GGT1: variants seen among roughly 807,000 people sequenced by gnomAD.
GGT1 encodes the protein gamma-glutamyltransferase 1, also known as glutathione hydrolase 1 proenzyme.
In GGT1, 21 loss-of-function variants were observed where a neutral mutation model predicts 56.0. The ratio of observed to expected loss-of-function variants is 0.38; its 90% confidence interval spans 0.27 to 0.54. GGT1 has a LOEUF of 0.54. GGT1 is among the 20% of genes least tolerant of loss of function. GGT1 has a pLI of 0.82. For synonymous variants in GGT1, 238 were observed against 342.6 expected (o/e 0.69, Z 3.37); for missense variants, 466 against 787.0 (o/e 0.59, Z 4.88).
chr22:24,621,101 G>C (rs1302970064), intron 9 of GGT1, 31 bp downstream of exon 9: 1 of 1,553,210 alleles, frequency 6.4e-7, no homozygotes, highest in Non-Finnish European at 8.7e-7. Context: ...GCCTGGGTGA[G>C]GAACTCTGCA....
At chr22:24,623,976 G>T (rs1299686578) in intron 11 of GGT1, 60 bp downstream of exon 11, 23 of 1,603,840 alleles carry the variant, frequency 1.4e-5, no homozygotes, top group Non-Finnish European at 1.8e-5. Context: ...CATCAGGTGG[G>T]CTCCCCAGGG....
the GGT1 span, chr22:24,589,418 C>G: frequency 9.8e-7 from 1 of 1,021,930 alleles, no homozygotes; most frequent in Non-Finnish European, 1.2e-6. Flanking sequence ...GGGCTCTAGC[C>G]GAGAGCGGCT....
At chr22:24,593,148 C>T, upstream of GGT1, 4 of 992,764 alleles carry the variant, frequency 4.0e-6, no homozygotes, top group Non-Finnish European at 4.8e-6. Context: ...CCTGCCCCGT[C>T]CGGGTCCGAA....
At chr22:24,596,260 C>T (rs1025595203) in intron 1 of GGT1, among the ~76,000 whole-genome samples, 1 of 152,210 alleles carries the variant, frequency 6.6e-6, no homozygotes, top group African/African-American at 2.4e-5. Context: ...CTTAAAGCAA[C>T]AGAATAGTTC....
intron 1 of GGT1, among the ~76,000 whole-genome samples, chr22:24,597,456 C>G (rs181909442): frequency 6.6e-6 from 1 of 152,290 alleles, no homozygotes; most frequent in Admixed American, 6.5e-5. Flanking sequence ...GGGCGGATCA[C>G]TTGAGGCTAG....
intron 5 of GGT1, among the ~76,000 whole-genome samples, 155 bp downstream of exon 5, chr22:24,611,400 G>T (rs2046645812): frequency 1.3e-5 from 2 of 152,082 alleles, no homozygotes; most frequent in Non-Finnish European, 2.9e-5. Context: ...TCCGAGAGCA[G>T]GGTGTGGGTC....
chr22:24,623,799 G>C lies in GGT1; in HGVS notation c.903G>C (p.Glu301Asp). 6.2e-7 allele frequency: 1 copy of C among 1,611,908 alleles called. No homozygotes were observed. The highest frequency in any genetic ancestry group is 8.5e-7 in the Non-Finnish European group (1 of 1,179,848). The change falls in exon 11 of 16, where the codon GAG becomes GAC. Residue 301 changes from glutamate (E) to aspartate (D), a missense_variant. Physicochemically the swap from Glu to Asp is conservative, Grantham distance 45. Transcript: ENST00000400382. The stretch of plus-strand genomic sequence containing the variant: ...AACCAGGGTACAACTTCTCCCGGGA[G>C]AGCGTGGAGAGCCCCGAGCAGAAGG... ...NILKGYNFSR[E>D]SVESPEQKGL...
intron 1 of GGT1, among the ~76,000 whole-genome samples, chr22:24,596,386 C>T (rs1045388795): frequency 6.6e-6 from 1 of 152,190 alleles, no homozygotes; most frequent in Non-Finnish European, 1.5e-5. Context: ...AATCCTTGGC[C>T]TTCCTTGGCT....
upstream of GGT1, among the ~76,000 whole-genome samples, chr22:24,599,984 A>G (rs972285380): frequency 8.5e-4 from 129 of 152,314 alleles, no homozygotes; most frequent in African/African-American, 3.1e-3. Flanking sequence ...AGGCTGTGGC[A>G]TGGTGTCGGG....
the GGT1 span, among the ~76,000 whole-genome samples, chr22:24,586,573 C>G: frequency 6.6e-6 from 1 of 152,248 alleles, no homozygotes; most frequent in Non-Finnish European, 1.5e-5. Context: ...CTCTTTTTGT[C>G]CAGGCTGGAG....
chr22:24,589,377 C>G, the GGT1 span: 1 of 1,125,100 alleles, frequency 8.9e-7, no homozygotes, highest in Middle Eastern at 3.8e-4. Context: ...GCAAGGGTGT[C>G]TGTACAGGAT....
the GGT1 span, chr22:24,586,130 G>A: frequency 1.1e-4 from 182 of 1,613,166 alleles, no homozygotes; most frequent in Non-Finnish European, 1.3e-4. Context: ...GAACTTGGTG[G>A]TGTCCTTGAT....
intron 1 of GGT1, 116 bp downstream of exon 1, chr22:24,603,643 G>C (rs113032500): frequency 6.6e-6 from 1 of 152,292 alleles, no homozygotes; most frequent in Non-Finnish European, 1.5e-5. Flanking sequence ...AGGAGGGCTG[G>C]GGGGAGTCAC....
At position 24,603,238 on chromosome 22, in the gene GGT1, C is replaced by T. The variant is rs2045815909; in HGVS notation, c.-718C>T. 1.3e-5 allele frequency: 2 copies of T among 152,328 alleles called. No individual in the cohort carries two copies. Among genetic ancestry groups the T allele is most frequent in the Admixed American group, 1.3e-4 (2 of 15,278 alleles). 9.4% of individuals were successfully genotyped at this position (152,328 alleles called of 1,614,324 possible). On this transcript the variant is annotated 5_prime_UTR_variant, in exon 1 of 16. Transcript: ENST00000400382. ...GACCAGACCGGGCGTCGGGTGAGCC[C>T]AGAAGTGAGAGCAGTTGGCTGTGCC...
At chr22:24,612,938 G>A (rs1162651013) in intron 5 of GGT1, among the ~76,000 whole-genome samples, 3 of 152,042 alleles carry the variant, frequency 2.0e-5, no homozygotes, top group African/African-American at 4.8e-5. Flanking sequence ...TGATCTTCCC[G>A]CCTCAGCTTC....
chr22:24,588,203 G>GCTAC, the GGT1 span: 1 of 1,602,222 alleles, frequency 6.2e-7, no homozygotes, highest in East Asian at 2.2e-5. Context: ...CAGTGGCTGG[G>GCTAC]CTACCCTTAC....
chr22:24,586,518 C>A, the GGT1 span: 13 of 1,201,282 alleles, frequency 1.1e-5, no homozygotes, highest in South Asian at 1.9e-4. Flanking sequence ...TCTGGCAAAG[C>A]CAGATTCAAA....
intron 7 of GGT1, among the ~76,000 whole-genome samples, chr22:24,617,818 G>A (rs930206168): frequency 2.6e-5 from 4 of 152,006 alleles, no homozygotes; most frequent in Non-Finnish European, 4.4e-5. Flanking sequence ...CATAAATGGA[G>A]GCTGAAGCTC....
At chr22:24,613,322 C>T (rs1483361826) in intron 5 of GGT1, among the ~76,000 whole-genome samples, 1 of 152,206 alleles carries the variant, frequency 6.6e-6, no homozygotes. Flanking sequence ...GATCCTCCAC[C>T]TTGGCCTCCC....
Sources: gnomAD v4.1 joint callset for allele counts (sites outside exome capture counted in the v4.1 genomes callset) on GRCh38, gnomAD v4.1.1 for gene constraint, MANE v1.5 for transcripts, NCBI Gene and HGNC (gene_info 2026-07-23, HGNC 2026-07-21) for gene names.